ACSS2: variants seen among roughly 807,000 people sequenced by gnomAD.
The protein encoded by ACSS2 is acetyl-coenzyme A synthetase, cytoplasmic.
A neutral mutation model predicts 90.6 loss-of-function variants in ACSS2; 58 were observed. That is an observed-to-expected ratio of 0.64 (90% CI 0.52 to 0.80). The LOEUF is 0.80. Among genes scored for constraint, ACSS2 ranks in the 30% least tolerant of loss-of-function variants. The pLI is 0.00. For synonymous variants in ACSS2, 300 were observed against 330.9 expected (o/e 0.91, Z 1.01); for missense variants, 759 against 912.0 (o/e 0.83, Z 2.16).
intron 4 of ACSS2, 81 bp from the exon 5 acceptor site, chr20:34,913,672 A>G: frequency 1.4e-6 from 2 of 1,410,448 alleles, no homozygotes; most frequent in South Asian, 2.3e-5. Flanking sequence ...AGATCCTGAA[A>G]GTTCCATGAG....
intron 13 of ACSS2, 194 bp from the exon 14 acceptor site, chr20:34,923,129 C>G: frequency 1.9e-6 from 1 of 538,446 alleles, no homozygotes; most frequent in Non-Finnish European, 3.4e-6. Flanking sequence ...GATCCTGAAG[C>G]TCAGAGGGGT....
At chr20:34,915,192 C>A (rs1267618138) in intron 7 of ACSS2, 1 of 1,613,856 alleles carries the variant, frequency 6.2e-7, no homozygotes, top group African/African-American at 1.3e-5. Flanking sequence ...CTCCTCACTA[C>A]CCTTTTCATC....
chr20:34,906,681 C>A (rs1276644591), intron 2 of ACSS2, among the ~76,000 whole-genome samples: 1 of 151,988 alleles, frequency 6.6e-6, no homozygotes, highest in Admixed American at 6.6e-5. Flanking sequence ...GTGAAGAAAA[C>A]AAATAAGATC....
intron 7 of ACSS2, among the ~76,000 whole-genome samples, chr20:34,915,633 C>T (rs1427727977): frequency 6.6e-6 from 1 of 152,146 alleles, no homozygotes; most frequent in Non-Finnish European, 1.5e-5. Context: ...TGGGAATTCA[C>T]TGTCAAGTTG....
intron 2 of ACSS2, among the ~76,000 whole-genome samples, chr20:34,911,623 C>T (rs1266838022): frequency 6.6e-6 from 1 of 152,072 alleles, no homozygotes; most frequent in Non-Finnish European, 1.5e-5. Flanking sequence ...CGTGCCTGAC[C>T]CAAGATAGTA....
rs563152526 is a variant in ACSS2, at chr20:34,877,816, C to G, written c.178+993C>G. On this transcript the variant is annotated intron_variant, in intron 1 of 17. Coordinates refer to ENST00000360596, the MANE Select transcript of ACSS2 (RefSeq NM_018677.4). ...CCTGGGCGACAGAGCAAGACTTTGT[C>G]TCAAAAAAAAAAAAAAAAAAAAAAA... Among the ~76,000 whole-genome samples the G allele has an allele frequency of 1.4e-3, 63 of 44,966 alleles. 1 individual carries two copies. The highest frequency in any genetic ancestry group is 7.7e-3 in the African/African-American group (63 of 8,194). The allele number at this position is 44,966 out of a possible 152,430, so 29.5% of individuals were successfully genotyped here. A position where few individuals can be genotyped will look rare whatever the true frequency, so the allele number is the denominator to read the frequency against.
At chr20:34,912,121 T>A (rs1310071412) in intron 2 of ACSS2, among the ~76,000 whole-genome samples, 1 of 152,146 alleles carries the variant, frequency 6.6e-6, no homozygotes, top group African/African-American at 2.4e-5. Flanking sequence ...CCCCGCCCAT[T>A]GGTGCCTTAT....
chr20:34,923,319 C>G lies in ACSS2; in HGVS notation c.1549-4C>G. The G allele has an allele frequency of 6.2e-7, 1 of 1,610,422 alleles. No homozygotes were observed. Among genetic ancestry groups the G allele is most frequent in the Non-Finnish European group, 8.5e-7 (1 of 1,176,702 alleles). ...GTGATCACTGTCCCTTCCTCACTCC[C>G]CAGGTGTTCAAGCAGCCCTGGCCAG... On this transcript the variant is annotated splice_polypyrimidine_tract_variant and splice_region_variant and intron_variant, in intron 13 of 17. Transcript: ENST00000360596.
intron 2 of ACSS2, among the ~76,000 whole-genome samples, chr20:34,885,655 T>C (rs376586406): frequency 1.1e-4 from 17 of 152,342 alleles, no homozygotes; most frequent in East Asian, 5.8e-4. Flanking sequence ...ATATTAGAGA[T>C]ACCTGATTAA....
chr20:34,913,359 G>T (rs2081005577), intron 3 of ACSS2, 34 bp from the exon 4 acceptor site: 2 of 1,605,958 alleles, frequency 1.2e-6, no homozygotes, highest in Non-Finnish European at 1.7e-6. Context: ...AGCAAGAAGG[G>T]TTCATGGTTC....
intron 2 of ACSS2, among the ~76,000 whole-genome samples, chr20:34,905,780 G>T (rs922267114): frequency 5.9e-5 from 9 of 152,172 alleles, no homozygotes; most frequent in African/African-American, 2.2e-4. Context: ...TACATGTGCT[G>T]CTGTTTTCTT....
chr20:34,905,853 C>T (rs946583419), intron 2 of ACSS2, among the ~76,000 whole-genome samples: 2 of 152,218 alleles, frequency 1.3e-5, no homozygotes, highest in Admixed American at 6.5e-5. Context: ...ATGTGGTCCA[C>T]TTATTTACAT....
chr20:34,898,014 C>A (rs982662613), intron 2 of ACSS2, among the ~76,000 whole-genome samples: 1 of 152,080 alleles, frequency 6.6e-6, no homozygotes. Flanking sequence ...GGTGGCACGT[C>A]TGGAGTTTGT....
chr20:34,922,407 C>T (rs1286272815), intron 13 of ACSS2: 1 of 152,736 alleles, frequency 6.5e-6, no homozygotes, highest in Non-Finnish European at 1.5e-5. Flanking sequence ...AGTGCAAGAC[C>T]AGCCTGGCCA....
At chr20:34,881,017 ATTTTTTTTTTT>A (rs71761863) in intron 1 of ACSS2, among the ~76,000 whole-genome samples, 1 of 75,532 alleles carries the variant, frequency 1.3e-5, no homozygotes, top group African/African-American at 5.6e-5. Context: ...TTTCCTCCAA[ATTTTTTTTTTT>A]TTTTTTTTTT....
chr20:34,927,102 G>C lies in ACSS2; in HGVS notation c.1994G>C (p.Arg665Pro). ...PKTRSGKIMR[R>P]VLRKIAQNDH... is the part of the protein sequence containing the mutation. Reference sequence around the variant, plus strand: ...GGTTCCCCAGGGAAAATCATGAGGCGAGTGCTTCGGAAGATTGCTCAGAAT... The same window carrying C: ...GGTTCCCCAGGGAAAATCATGAGGCCAGTGCTTCGGAAGATTGCTCAGAAT... The change falls in exon 18 of 18, where the codon CGA becomes CCA. Residue 665 changes from arginine to proline, a missense_variant. Arg to Pro is a moderately radical substitution (Grantham distance 103). Transcript: ENST00000360596. This position sits in a 1 kb window ranked among gnomAD's most constrained non-coding sequence, Gnocchi z 4.2. 1 of 1,614,134 alleles carries C rather than the reference G, an allele frequency of 6.2e-7. No individual in the cohort carries two copies. Among genetic ancestry groups the C allele is most frequent in the Non-Finnish European group, 8.5e-7 (1 of 1,180,028 alleles).
intron 7 of ACSS2, 59 bp from the exon 8 acceptor site, chr20:34,919,376 C>CGGGT: frequency 6.2e-7 from 1 of 1,600,718 alleles, no homozygotes; most frequent in South Asian, 1.1e-5. Context: ...GGGCAAGGTA[C>CGGGT]GGGTGTATCT....
At chr20:34,895,146 CA>C (rs1296760190) in intron 2 of ACSS2, among the ~76,000 whole-genome samples, 2 of 152,096 alleles carry the variant, frequency 1.3e-5, no homozygotes, top group African/African-American at 4.8e-5. Flanking sequence ...TAACTCTTGA[CA>C]TAATGTTCAT....
chr20:34,915,177 G>C, intron 7 of ACSS2: 1 of 1,611,556 alleles, frequency 6.2e-7, no homozygotes, highest in South Asian at 1.1e-5. Flanking sequence ...CTGTATACTT[G>C]GACCCTCCTC....
Sources: allele counts gnomAD v4.1 joint callset (sites outside exome capture counted in the v4.1 genomes callset), GRCh38; gene constraint gnomAD v4.1.1; non-coding constraint Gnocchi (gnomAD v3.1); transcripts MANE v1.5; gene names NCBI Gene and HGNC (gene_info 2026-07-23, HGNC 2026-07-21).